Variants in RAPGEF1 observed in about 807,000 individuals in gnomAD.
RAPGEF1 encodes CRK SH3-binding GNRP.
In RAPGEF1, 33 loss-of-function variants were observed where a neutral mutation model predicts 143.3. The observed-to-expected ratio is 0.23, with a 90% CI of 0.17 to 0.31. RAPGEF1 has a LOEUF of 0.31. RAPGEF1 is among the 10% of genes least tolerant of loss of function. RAPGEF1 has a pLI of 1.00. For synonymous variants in RAPGEF1, 629 were observed against 676.5 expected (o/e 0.93, Z 1.09); for missense variants, 1,199 against 1,645.4 (o/e 0.73, Z 4.69).
Position 131,629,144 on chromosome 9 carries a change from G to C in RAPGEF1, c.851C>G (p.Pro284Arg). 6.2e-7 allele frequency: 1 copy of C among 1,614,008 alleles called. No individual in the cohort carries two copies. The highest frequency in any genetic ancestry group is 8.5e-7 in the Non-Finnish European group (1 of 1,179,892). Residue 284 changes from proline to arginine, a missense_variant, in exon 7 of 27, where the codon CCC becomes CGC. Pro to Arg is a moderately radical substitution (Grantham distance 103). Transcript: ENST00000683357. ...AATGCCAGGCAGAGGAGGCTTGGGG[G>C]GCGCGACCTCTTCATCCGTGGCATC... ...LPDATDEEVAPPKPPLPGIRV... is the reference protein window; with the variant it reads ...LPDATDEEVARPKPPLPGIRV...
intron 15 of RAPGEF1, chr9:131,598,660 T>C: frequency 2.3e-6 from 1 of 432,808 alleles, no homozygotes; most frequent in Non-Finnish European, 4.6e-6. Flanking sequence ...GCAAGCAGAA[T>C]GGGAGAGAAA....
chr9:131,667,368 G>C lies in RAPGEF1; in HGVS notation c.62-16419C>G, dbSNP rs969941811. Among the ~76,000 whole-genome samples, 1 of 152,216 alleles carries C rather than the reference G, an allele frequency of 6.6e-6. No homozygotes were observed. Among genetic ancestry groups the C allele is most frequent in the Non-Finnish European group, 1.5e-5 (1 of 68,038 alleles). Reference sequence around the variant, plus strand: ...TCCTGCTCGCCTTAGGCAGGGCTCAGGGCAGCACTGGAGTCCCAGACTATG... The same window carrying C: ...TCCTGCTCGCCTTAGGCAGGGCTCACGGCAGCACTGGAGTCCCAGACTATG... On this transcript the variant is annotated intron_variant, in intron 1 of 26. Coordinates refer to ENST00000683357, the MANE Select transcript of RAPGEF1 (RefSeq NM_001377935.1). The surrounding 1 kb of genome is among the most constrained non-coding windows in gnomAD (Gnocchi z 4.6).
rs866517909 is a variant in RAPGEF1, at chr9:131,641,341, C to G, written c.494+1898G>C. 6.6e-6 allele frequency among the ~76,000 whole-genome samples: 1 copy of G among 152,142 alleles called. No homozygotes were observed. The highest frequency in any genetic ancestry group is 1.5e-5 in the Non-Finnish European group (1 of 68,014). On this transcript the variant is annotated intron_variant, in intron 4 of 26. Coordinates refer to ENST00000683357, the MANE Select transcript of RAPGEF1 (RefSeq NM_001377935.1). The surrounding 1 kb of genome is among the most constrained non-coding windows in gnomAD (Gnocchi z 4.6). Reference sequence around the variant, plus strand: ...TGCCCATGACTGCCCGAGTCGCCGCCCTCCCCTCCCCGGGATACACCAGGC... The same window carrying G: ...TGCCCATGACTGCCCGAGTCGCCGCGCTCCCCTCCCCGGGATACACCAGGC...
chr9:131,695,601 T>G (rs1214734919), intron 1 of RAPGEF1, among the ~76,000 whole-genome samples: 6 of 152,142 alleles, frequency 3.9e-5, no homozygotes, highest in Non-Finnish European at 5.9e-5. Flanking sequence ...ATCCTAACCT[T>G]AGTGGGGGCT....
At chr9:131,684,064 G>T (rs192867877) in intron 1 of RAPGEF1, among the ~76,000 whole-genome samples, 62 of 152,326 alleles carry the variant, frequency 4.1e-4, no homozygotes, top group Admixed American at 8.5e-4. Flanking sequence ...AGTGCCTCTG[G>T]TCTCAAACGC....
In RAPGEF1 at chr9:131,638,742, G is replaced by C; in HGVS notation, c.544C>G (p.Leu182Val). The C allele has an allele frequency of 6.2e-7, 1 of 1,613,998 alleles. No individual in the cohort carries two copies. The highest frequency in any genetic ancestry group is 1.1e-5 in the South Asian group (1 of 91,088). The change falls in exon 5 of 27, where the codon CTC becomes GTC. Residue 182 changes from leucine to valine, a missense_variant. This residue lies in a region of RAPGEF1 where 613 missense variants were observed against 710.9 expected (regional missense o/e 0.86). Transcript: ENST00000683357. The part of the protein sequence containing the change: ...YSRVYQSLAN[L>V]IRWSDQVMLE... ...ATCACTTGGTCAGACCAGCGAATGA[G>C]GTTGGCGAGGCTTTGGTACACTCGG...
intron 7 of RAPGEF1, 98 bp downstream of exon 7, chr9:131,629,004 A>G: frequency 2.8e-6 from 4 of 1,438,062 alleles, no homozygotes; most frequent in Non-Finnish European, 3.7e-6. Flanking sequence ...AGGGGGGCCA[A>G]GCCCTCAGCG....
chr9:131,592,003 G>A, intron 18 of RAPGEF1, 96 bp downstream of exon 18: 1 of 952,692 alleles, frequency 1.0e-6, no homozygotes, highest in Non-Finnish European at 1.6e-6. Flanking sequence ...CCAATATGCT[G>A]CTCGGCTTCC....
intron 22 of RAPGEF1, among the ~76,000 whole-genome samples, chr9:131,587,059 G>C (rs1324418302): frequency 4.9e-5 from 2 of 41,088 alleles, no homozygotes; most frequent in Non-Finnish European, 9.0e-5. Context: ...GCGAGACTCC[G>C]TCTCAAACAC....
chr9:131,580,408 G>A lies in RAPGEF1; in HGVS notation c.3513-17C>T, dbSNP rs762568832. On this transcript the variant is annotated splice_polypyrimidine_tract_variant and intron_variant, in intron 25 of 26. Transcript: ENST00000683357. The stretch of plus-strand genomic sequence containing the variant: ...ATCAGCCCCCTGGGAGGACGGGTTA[G>A]GCAGCCTGTTACTGCTACGGGGTTT... 2 of 1,611,412 alleles carry A rather than the reference G, an allele frequency of 1.2e-6. No homozygotes were observed. Among genetic ancestry groups the A allele is most frequent in the South Asian group, 1.1e-5 (1 of 90,748 alleles).
intron 1 of RAPGEF1, among the ~76,000 whole-genome samples, chr9:131,706,820 G>A (rs992942051): frequency 5.3e-5 from 8 of 152,192 alleles, no homozygotes; most frequent in South Asian, 2.1e-4. Flanking sequence ...TGTGCTCCTG[G>A]TCAGTGGGGC....
At chr9:131,697,893 C>G (rs1401764166) in intron 1 of RAPGEF1, among the ~76,000 whole-genome samples, 5 of 152,168 alleles carry the variant, frequency 3.3e-5, no homozygotes, top group Non-Finnish European at 7.3e-5. Flanking sequence ...CTGAGTGTAC[C>G]TGTGTCAGGG....
At chr9:131,626,547 T>C in intron 9 of RAPGEF1, 125 bp from the exon 10 acceptor site, 2 of 886,026 alleles carry the variant, frequency 2.3e-6, no homozygotes, top group Non-Finnish European at 3.3e-6. Flanking sequence ...CTCCAGGGCT[T>C]ATTTTATATT....
At chr9:131,724,649 T>C (rs1416070866) in intron 1 of RAPGEF1, among the ~76,000 whole-genome samples, 2 of 152,082 alleles carry the variant, frequency 1.3e-5, no homozygotes, top group Non-Finnish European at 2.9e-5. Flanking sequence ...ATTTTCAGCA[T>C]CCACGGCCTG....
In RAPGEF1 at chr9:131,619,106, C is replaced by T. The variant is rs745646905; in HGVS notation, c.2006G>A (p.Ser669Asn). Residue 669 changes from serine to asparagine, a missense_variant, in exon 12 of 27, where the codon AGT becomes AAT. Transcript: ENST00000683357. ...PEDGSAAQGL[S>N]VSVSNSFLSR... ...GAGAAAGGAGTTAGAGACGGACACACTGAGGCCCTGAGCGGCACTGCCGTC... is the reference window on the plus strand; with the variant it reads ...GAGAAAGGAGTTAGAGACGGACACATTGAGGCCCTGAGCGGCACTGCCGTC... The T allele has an allele frequency of 2.2e-6, 3 of 1,351,412 alleles. No individual in the cohort carries two copies. Among genetic ancestry groups the T allele is most frequent in the Non-Finnish European group, 3.0e-6 (3 of 1,015,220 alleles). The allele number at this position is 1,351,412 out of a possible 1,614,324, so 83.7% of individuals were successfully genotyped here.
intron 17 of RAPGEF1, 77 bp downstream of exon 17, chr9:131,596,221 G>A: frequency 1.5e-6 from 2 of 1,378,044 alleles, no homozygotes; most frequent in East Asian, 2.3e-5. Context: ...GCCAGGAGGG[G>A]ACAGGATAGC....
intron 17 of RAPGEF1, among the ~76,000 whole-genome samples, chr9:131,594,877 T>C (rs1444393276): frequency 6.6e-6 from 1 of 152,164 alleles, no homozygotes; most frequent in Non-Finnish European, 1.5e-5. Flanking sequence ...GGAGCCGAGG[T>C]CTGAAGCCAG....
Position 131,627,874 on chromosome 9 carries a change from A to C in RAPGEF1, c.1201+39T>G, listed in dbSNP as rs372685480. 3 of 1,554,324 alleles carry C rather than the reference A, an allele frequency of 1.9e-6. No individual in the cohort carries two copies. In the East Asian group the frequency reaches 7.2e-5, roughly 37 times the overall value. On this transcript the variant is annotated intron_variant, in intron 9 of 26. Coordinates refer to ENST00000683357, the MANE Select transcript of RAPGEF1 (RefSeq NM_001377935.1). ...GGACTGTAATGGCCCCAGAGAAGCC[A>C]CCGAGACACGATGGAACAGGAGGAT... is the stretch of plus-strand genomic sequence containing the variant.
intron 10 of RAPGEF1, among the ~76,000 whole-genome samples, chr9:131,625,375 G>T (rs931916582): frequency 6.6e-6 from 1 of 152,158 alleles, no homozygotes; most frequent in Non-Finnish European, 1.5e-5. Context: ...CCAACCCTGG[G>T]CTCCAATAAC....
Sources: gnomAD v4.1 joint callset for allele counts (sites outside exome capture counted in the v4.1 genomes callset) on GRCh38, gnomAD v4.1.1 for gene constraint, gnomAD v4.1.1 regional missense constraint, Gnocchi (gnomAD v3.1) non-coding constraint, MANE v1.5 for transcripts, NCBI Gene and HGNC (gene_info 2026-07-23, HGNC 2026-07-21) for gene names.